The following CFAP52 variants were observed in gnomAD, a reference collection of about 807,000 sequenced individuals.
CFAP52 encodes the protein cilia and flagella associated protein 52.
Under a neutral mutation model 70.5 loss-of-function variants are expected in CFAP52, and 57 were observed. The ratio of observed to expected loss-of-function variants is 0.81; its 90% CI spans 0.65 to 1.01. CFAP52 has a LOEUF of 1.01. Among genes scored for constraint, CFAP52 ranks in the 50% least tolerant of loss-of-function variants. The pLI is 0.00. For synonymous variants in CFAP52, 267 were observed against 292.5 expected, an observed-to-expected ratio of 0.91 and a Z score of 0.89; for missense variants, 785 against 788.5, an observed-to-expected ratio of 1.00 and a Z score of 0.05.
At chr17:9,608,458 T>G (rs78840286) in intron 7 of CFAP52, among the ~76,000 whole-genome samples, 3,639 of 152,356 alleles carry the variant, frequency 0.024, 66 homozygotes, top group Admixed American at 0.044. Flanking sequence ...ACTGCCCATT[T>G]AATAAATACA....
intron 8 of CFAP52, among the ~76,000 whole-genome samples, chr17:9,626,095 A>C (rs1365464446): frequency 6.6e-6 from 1 of 152,132 alleles, no homozygotes. Flanking sequence ...TCATGATCCA[A>C]TCAATTGGGT....
At position 9,615,819 on chromosome 17, in the gene CFAP52, T is replaced by TCC. The variant is rs1555543417; in HGVS notation, c.1025+3342_1025+3343dup. On this transcript the variant is annotated intron_variant, in intron 8 of 13. Coordinates refer to ENST00000352665, the MANE Select transcript of CFAP52 (RefSeq NM_145054.5). ...TCTTTTTTTTTTTTTTTTTTTTTTTTCCCAGAAACAGGGTCTCACTATGTT... is the reference window on the plus strand; with the variant it reads ...TCTTTTTTTTTTTTTTTTTTTTTTTTCCCCCAGAAACAGGGTCTCACTATGTT... Among the ~76,000 whole-genome samples the TCC allele has an allele frequency of 2.4e-4, 20 of 84,492 alleles. 1 individual carries two copies. In the South Asian group the frequency reaches 2.9e-3, roughly 12 times the overall value. 55.4% of individuals were successfully genotyped at this position (84,492 alleles called of 152,430 possible).
intron 2 of CFAP52, among the ~76,000 whole-genome samples, chr17:9,586,370 C>A (rs1480233413): frequency 6.6e-6 from 1 of 152,036 alleles, no homozygotes; most frequent in Non-Finnish European, 1.5e-5. Context: ...TCGAGACCAG[C>A]CTAGCCAACA....
At position 9,610,007 on chromosome 17, in the gene CFAP52, G is replaced by C. The variant is rs188918885; in HGVS notation, c.854+1788G>C. Among the ~76,000 whole-genome samples, 465 of 152,100 alleles carry C rather than the reference G, an allele frequency of 3.1e-3. 1 individual carries two copies. Among genetic ancestry groups the C allele is most frequent in the South Asian group, 7.7e-3 (37 of 4,812 alleles). ...TGATTTCTGGAGAGAGAGAGAGAGA[G>C]AGAGACAGAGACAGAGAGAGACAGA... On this transcript the variant is annotated intron_variant, in intron 7 of 13. Transcript: ENST00000352665.
chr17:9,584,110 C>T (rs1908340591), intron 1 of CFAP52: 1 of 1,013,734 alleles, frequency 9.9e-7, no homozygotes, highest in Admixed American at 4.4e-5. Context: ...GCCATCTGCC[C>T]TGTTCTTACC....
chr17:9,581,049 G>GCTCACGCCTGT (rs1908203205), intron 1 of CFAP52, among the ~76,000 whole-genome samples: 1 of 152,208 alleles, frequency 6.6e-6, no homozygotes, highest in Non-Finnish European at 1.5e-5. Flanking sequence ...AGGCGTGGTG[G>GCTCACGCCTGT]CTCACGCCTG....
intron 13 of CFAP52, 141 bp downstream of exon 13, chr17:9,641,976 G>A (rs1911085243): frequency 1.7e-6 from 1 of 597,964 alleles, no homozygotes. Context: ...AACCAATACT[G>A]CAGCCAATGT....
intron 11 of CFAP52, among the ~76,000 whole-genome samples, chr17:9,638,263 G>A (rs1333245117): frequency 6.6e-6 from 1 of 152,208 alleles, no homozygotes; most frequent in African/African-American, 2.4e-5. Context: ...AGTACATTGT[G>A]TGGGAGGCAG....
At chr17:9,614,218 C>T (rs1377697405) in intron 8 of CFAP52, among the ~76,000 whole-genome samples, 5 of 145,814 alleles carry the variant, frequency 3.4e-5, no homozygotes, top group Admixed American at 2.1e-4. Context: ...TGCAGTGGCA[C>T]GATCTTGGCT....
chr17:9,594,099 T>C, intron 3 of CFAP52, 94 bp from the exon 4 acceptor site: 2 of 1,458,672 alleles, frequency 1.4e-6, no homozygotes, highest in Non-Finnish European at 1.8e-6. Flanking sequence ...CTGTTGTGTT[T>C]TTTTCTTTCT....
At chr17:9,588,971 C>T (rs1023589749) in intron 3 of CFAP52, among the ~76,000 whole-genome samples, 2 of 151,836 alleles carry the variant, frequency 1.3e-5, no homozygotes, top group Admixed American at 6.6e-5. Flanking sequence ...GGCATAGTGC[C>T]GGGGCCTGTA....
At chr17:9,586,653 C>T (rs1339403706) in intron 2 of CFAP52, 45 bp from the exon 3 acceptor site, 1 of 1,550,420 alleles carries the variant, frequency 6.4e-7, no homozygotes, top group African/African-American at 1.4e-5. Flanking sequence ...TCCTCAGATG[C>T]TTTTAATGCC....
chr17:9,641,127 A>G (rs934918467), intron 12 of CFAP52, among the ~76,000 whole-genome samples: 8 of 152,214 alleles, frequency 5.3e-5, no homozygotes, highest in Non-Finnish European at 1.2e-4. Flanking sequence ...ACCCTCCTTT[A>G]GGCACCTGTC....
chr17:9,594,489 AT>A lies in CFAP52; in HGVS notation c.536+172del, dbSNP rs1908913514. The A allele has an allele frequency of 3.9e-6, 3 of 769,946 alleles. No homozygotes were observed. In the East Asian group the frequency reaches 1.0e-4, roughly 27 times the overall value. 47.7% of individuals were successfully genotyped at this position (769,946 alleles called of 1,614,324 possible). A position where few individuals can be genotyped will look rare whatever the true frequency, so the allele number is the denominator to read the frequency against. On this transcript the variant is annotated intron_variant, in intron 4 of 13. Coordinates refer to ENST00000352665, the MANE Select transcript of CFAP52 (RefSeq NM_145054.5). ...ATTAAAAGTTCTCTTCACTGGAAGT[AT>A]TTTCACTATAGTTATTTTAAAATTC...
chr17:9,642,920 A>G, intron 13 of CFAP52, 103 bp from the exon 14 acceptor site: 4 of 967,770 alleles, frequency 4.1e-6, no homozygotes, highest in Non-Finnish European at 5.7e-6. Context: ...TTATAAAGAC[A>G]GATACATGGG....
intron 5 of CFAP52, among the ~76,000 whole-genome samples, chr17:9,599,256 T>C (rs1306475882): frequency 2.0e-5 from 3 of 152,224 alleles, no homozygotes; most frequent in Non-Finnish European, 4.4e-5. Context: ...CTCAACAATT[T>C]CCGATTTTGG....
chr17:9,635,561 G>A lies in CFAP52; in HGVS notation c.1472+5G>A, dbSNP rs1266098094. The A allele has an allele frequency of 3.1e-6, 5 of 1,614,152 alleles. No individual in the cohort carries two copies. Among genetic ancestry groups the A allele is most frequent in the Non-Finnish European group, 4.2e-6 (5 of 1,180,024 alleles). On this transcript the variant is annotated splice_donor_5th_base_variant and intron_variant, in intron 11 of 13. Transcript: ENST00000352665. Reference sequence around the variant, plus strand: ...TTGTATCATTTGGGACCTTGTGTAGGTACCTGTGATGGGGAGGATGCAGTG... The same window carrying A: ...TTGTATCATTTGGGACCTTGTGTAGATACCTGTGATGGGGAGGATGCAGTG...
Position 9,608,138 on chromosome 17 carries a change from GC to G in CFAP52, c.775del (p.Leu259Ter). The G allele has an allele frequency of 6.2e-7, 1 of 1,612,576 alleles. No homozygotes were observed. Among genetic ancestry groups the G allele is most frequent in the East Asian group, 2.2e-5 (1 of 44,844 alleles). On this transcript the variant is annotated frameshift_variant, in exon 7 of 14. Transcript: ENST00000352665. LOFTEE classifies it high-confidence loss of function. ...CCCTAGGGAGTGTCAGCTATCAGGT[GC>G]CTGAAGATGGGGGGTTTGTTGGTGG... ...KFSLGVSAIR[C>X]LKMGGLLVGS... is the part of the protein sequence containing the mutation.
Position 9,635,723 on chromosome 17 carries a change from G to C in CFAP52, c.1472+167G>C, listed in dbSNP as rs574357932. On this transcript the variant is annotated intron_variant, in intron 11 of 13. Transcript: ENST00000352665. ...CGTTCATGACGGTCCATGGTTTATC[G>C]ATGCTAGTGGGGAGGGTTACAATTT... is the stretch of plus-strand genomic sequence containing the variant. Among the ~76,000 whole-genome samples the C allele has an allele frequency of 2.0e-4, 30 of 152,302 alleles. No individual in the cohort carries two copies. The South Asian group carries it at 5.8e-3, about 29-fold the overall frequency.
Sources: allele counts gnomAD v4.1 joint callset (sites outside exome capture counted in the v4.1 genomes callset), GRCh38; gene constraint gnomAD v4.1.1; transcripts MANE v1.5; gene names NCBI Gene and HGNC (gene_info 2026-07-23, HGNC 2026-07-21).